Variants in SPATA7 observed in about 807,000 individuals in gnomAD.
The protein encoded by SPATA7 is spermatogenesis-associated protein 7.
Under a neutral mutation model 51.8 loss-of-function variants are expected in SPATA7, and 43 were observed. The observed-to-expected ratio is 0.83, with a 90% CI of 0.65 to 1.07. The LOEUF is 1.07. Among genes scored for constraint, SPATA7 ranks in the 50% least tolerant of loss-of-function variants. The pLI is 0.00. For missense variants in SPATA7, 683 were observed against 701.3 expected (o/e 0.97, Z 0.30); for synonymous variants, 230 against 252.8 (o/e 0.91, Z 0.86).
At chr14:88,428,390 TC>T (rs1328456727) in intron 7 of SPATA7, 8 of 152,076 alleles carry the variant, frequency 5.3e-5, no homozygotes, top group African/African-American at 1.9e-4. Context: ...ATACTCAACT[TC>T]CCCCTTCCCT....
chr14:88,416,715 A>G lies in SPATA7; in HGVS notation c.243A>G (p.Ala81=), dbSNP rs767275913. 4 of 1,613,204 alleles carry G rather than the reference A, an allele frequency of 2.5e-6. No individual in the cohort carries two copies. In the Admixed American group the frequency reaches 6.7e-5, roughly 27 times the overall value. ...AAGATTTGTTTTCCCTTTTAGATGC[A>G]GACCAACAACGAAGAGAGAAACTCA... is the stretch of plus-strand genomic sequence containing the variant. The part of the protein sequence containing the change: ...PVSVSTSIKY[A]DQQRREKLKK... Residue 81 remains alanine, a synonymous_variant, in exon 5 of 12, where the codon GCA becomes GCG. Transcript: ENST00000393545.
intron 10 of SPATA7, among the ~76,000 whole-genome samples, chr14:88,434,699 A>G (rs1444476146): frequency 6.6e-6 from 1 of 151,682 alleles, no homozygotes; most frequent in Non-Finnish European, 1.5e-5. Context: ...AAAAAAAAAA[A>G]AAAGAAAAAG....
chr14:88,394,183 T>C (rs1020976790), intron 3 of SPATA7, among the ~76,000 whole-genome samples: 4 of 152,218 alleles, frequency 2.6e-5, no homozygotes, highest in Non-Finnish European at 5.9e-5. Context: ...AAAGCAGAGT[T>C]GACCAGTTGT....
At chr14:88,456,700 T>C (rs1401201188), downstream of SPATA7, among the ~76,000 whole-genome samples, 7 of 151,870 alleles carry the variant, frequency 4.6e-5, no homozygotes, top group Non-Finnish European at 7.4e-5. Flanking sequence ...TGGTAGTTTC[T>C]TTTGCTGTGC....
At chr14:88,442,017 A>T (rs997745679), downstream of SPATA7, among the ~76,000 whole-genome samples, 1 of 152,154 alleles carries the variant, frequency 6.6e-6, no homozygotes, top group Non-Finnish European at 1.5e-5. Flanking sequence ...TGATTTTTCC[A>T]TAAGGTGAGA....
At position 88,468,306 on chromosome 14, in the gene SPATA7, T is replaced by TA. The variant is rs774510765; in HGVS notation, c.255-1541_255-1540insA. The TA allele has an allele frequency of 4.5e-6, 7 of 1,542,798 alleles. No individual in the cohort carries two copies. In the Admixed American group the frequency reaches 6.2e-5, roughly 14 times the overall value. The stretch of plus-strand genomic sequence containing the variant: ...CGGTAATGAAGATAATGTGTTCCCC[T>TA]GGGGAGACAGAAAGGATGGGAGGAC... On this transcript the variant is annotated intron_variant, in intron 4 of 4. Coordinates refer to the SPATA7 transcript ENST00000556406.
At chr14:88,409,365 C>A (rs2076279923) in intron 4 of SPATA7, among the ~76,000 whole-genome samples, 1 of 152,016 alleles carries the variant, frequency 6.6e-6, no homozygotes, top group African/African-American at 2.4e-5. Context: ...TCTAGATTTT[C>A]TAATTTATTT....
At chr14:88,398,639 T>TA (rs199501798) in intron 4 of SPATA7, among the ~76,000 whole-genome samples, 15,728 of 44,288 alleles carry the variant, frequency 0.36, 1,041 homozygotes, top group Non-Finnish European at 0.48. Flanking sequence ...TAATAAAATT[T>TA]TAAAAAAAGA....
At chr14:88,447,070 T>C (rs2077218834) in intron 3 of SPATA7, among the ~76,000 whole-genome samples, 1 of 151,886 alleles carries the variant, frequency 6.6e-6, no homozygotes, top group Non-Finnish European at 1.5e-5. Flanking sequence ...ATGTGTCTAA[T>C]GTTGACAGTG....
rs757538739 is a variant in SPATA7 at position 88,437,949 on chromosome 14, A to T, written c.1327A>T (p.Lys443Ter). The change falls in exon 12 of 12, where the codon AAG becomes TAG. Residue 443 changes from lysine to a stop codon, truncating the protein, a stop_gained. Coordinates refer to ENST00000393545, the MANE Select transcript of SPATA7 (RefSeq NM_018418.5). LOFTEE classifies it low-confidence loss of function (END_TRUNC). ...TATGTTGAATGTATTTGATTTTGAAAAGGCTGGGAATTCAGAACCAAATGA... is the reference window on the plus strand; with the variant it reads ...TATGTTGAATGTATTTGATTTTGAATAGGCTGGGAATTCAGAACCAAATGA... The part of the protein sequence containing the change: ...VDMLNVFDFE[K>*]AGNSEPNELK... The T allele has an allele frequency of 1.2e-6, 2 of 1,614,006 alleles. No homozygotes were observed.
intron 11 of SPATA7, 78 bp downstream of exon 11, chr14:88,437,675 A>G (rs1490703532): frequency 7.3e-7 from 1 of 1,377,146 alleles, no homozygotes. Flanking sequence ...ACCTTCAAAC[A>G]ATACATTAAA....
intron 4 of SPATA7, among the ~76,000 whole-genome samples, chr14:88,460,789 T>C (rs1344122483): frequency 1.3e-5 from 2 of 152,196 alleles, no homozygotes; most frequent in Non-Finnish European, 2.9e-5. Flanking sequence ...GGCGCTCTGA[T>C]TTTTAGAATT....
intron 5 of SPATA7, among the ~76,000 whole-genome samples, chr14:88,419,434 A>T: frequency 7.4e-6 from 1 of 135,062 alleles, no homozygotes; most frequent in Admixed American, 7.2e-5. Flanking sequence ...TTTGATCTTA[A>T]TGTTTTCTTC....
chr14:88,446,035 G>T (rs71422093), intron 3 of SPATA7, among the ~76,000 whole-genome samples: 2 of 151,958 alleles, frequency 1.3e-5, no homozygotes, highest in South Asian at 2.1e-4. Flanking sequence ...CTTTTTCTAT[G>T]GATTGGAATA....
chr14:88,431,226 G>A lies in SPATA7; in HGVS notation c.1082+1G>A. 1 of 1,612,832 alleles carries A rather than the reference G, an allele frequency of 6.2e-7. No individual in the cohort carries two copies. The highest frequency in any genetic ancestry group is 1.1e-5 in the South Asian group (1 of 91,062). ...CTTCAACTCGTAAAATCTACTCTGA[G>A]TAAGATCTTTTTTAAGTCTTCGTTT... On this transcript the variant is annotated splice_donor_variant, in intron 9 of 11. Coordinates refer to ENST00000393545, the MANE Select transcript of SPATA7 (RefSeq NM_018418.5). LOFTEE classifies it high-confidence loss of function.
intron 3 of SPATA7, among the ~76,000 whole-genome samples, chr14:88,447,087 T>TA (rs2077219011): frequency 6.6e-6 from 1 of 151,234 alleles, no homozygotes; most frequent in Admixed American, 6.6e-5. Context: ...AGTGGGGTGT[T>TA]AAAGTCTCCC....
chr14:88,442,258 G>T (rs573851684), downstream of SPATA7, among the ~76,000 whole-genome samples: 1 of 151,954 alleles, frequency 6.6e-6, no homozygotes. Context: ...GGTGTGATCT[G>T]GGCTCACTGC....
At chr14:88,470,186 G>C in exon 5 of SPATA7, 1 of 741,756 alleles carries the variant, frequency 1.3e-6, no homozygotes, top group Non-Finnish European at 2.1e-6. Flanking sequence ...GGATTATTCA[G>C]CAGAATAAGG....
intron 4 of SPATA7, among the ~76,000 whole-genome samples, chr14:88,410,029 A>G (rs2076297740): frequency 6.6e-6 from 1 of 152,206 alleles, no homozygotes; most frequent in South Asian, 2.1e-4. Flanking sequence ...CAATTTTGGA[A>G]TAAATGTGAT....
Sources: allele counts gnomAD v4.1 joint callset (sites outside exome capture counted in the v4.1 genomes callset), GRCh38; gene constraint gnomAD v4.1.1; transcripts MANE v1.5; gene names NCBI Gene and HGNC (gene_info 2026-07-23, HGNC 2026-07-21).